Variants in LRP12 observed in about 807,000 individuals in gnomAD.
LRP12 encodes the protein low-density lipoprotein receptor-related protein 12.
Under a neutral mutation model 66.0 loss-of-function variants are expected in LRP12, and 14 were observed. The ratio of observed to expected loss-of-function variants is 0.21; its 90% CI spans 0.14 to 0.33. The LOEUF (loss-of-function observed/expected upper bound fraction) is 0.33. Among genes scored for constraint, LRP12 ranks in the 10% least tolerant of loss-of-function variants. The probability of loss-of-function intolerance (pLI) is 1.00; values close to 1 mark genes in which losing one functional copy is unlikely to be tolerated. For missense variants in LRP12, 889 were observed against 1,053.4 expected (o/e 0.84, Z 2.16); for synonymous variants, 357 against 359.1 (o/e 0.99, Z 0.07).
At chr8:104,549,395 A>C (rs990119467) in intron 1 of LRP12, among the ~76,000 whole-genome samples, 1 of 131,268 alleles carries the variant, frequency 7.6e-6, no homozygotes, top group African/African-American at 3.0e-5. Flanking sequence ...TCAACTCTGA[A>C]TCCACTTTTT....
chr8:104,558,622 A>G (rs536829070), intron 1 of LRP12, among the ~76,000 whole-genome samples: 2 of 152,342 alleles, frequency 1.3e-5, no homozygotes, highest in Admixed American at 1.3e-4. Context: ...TAATTAAACT[A>G]AAAAGCTTCT....
chr8:104,552,215 G>A (rs1564143367), intron 1 of LRP12, among the ~76,000 whole-genome samples: 4 of 152,062 alleles, frequency 2.6e-5, no homozygotes, highest in Non-Finnish European at 5.9e-5. Context: ...AGATTGTAAG[G>A]GACTTTGCTC....
At chr8:104,581,751 A>T (rs1038292810) in intron 1 of LRP12, among the ~76,000 whole-genome samples, 3 of 152,174 alleles carry the variant, frequency 2.0e-5, no homozygotes, top group Non-Finnish European at 2.9e-5. Flanking sequence ...GACAAAAAAA[A>T]AATAATGGGC....
chr8:104,566,263 G>A (rs1172380655), intron 1 of LRP12: 2 of 478,694 alleles, frequency 4.2e-6, no homozygotes, highest in East Asian at 4.9e-5. Flanking sequence ...TATAGTTAAA[G>A]TAGAACCAGA....
chr8:104,526,415 T>C (rs1440922850), intron 2 of LRP12, among the ~76,000 whole-genome samples: 241 of 150,832 alleles, frequency 1.6e-3, no homozygotes, highest in African/African-American at 5.4e-3. Flanking sequence ...GGCATCACGC[T>C]ACCTGACTTC....
chr8:104,550,886 C>T (rs183271019), intron 1 of LRP12, among the ~76,000 whole-genome samples: 166 of 152,106 alleles, frequency 1.1e-3, no homozygotes, highest in African/African-American at 3.7e-3. Flanking sequence ...CCTTTTTGCA[C>T]TATTCTCTCA....
At chr8:104,576,696 A>G (rs1318619693) in intron 1 of LRP12, among the ~76,000 whole-genome samples, 1 of 152,222 alleles carries the variant, frequency 6.6e-6, no homozygotes, top group East Asian at 1.9e-4. Flanking sequence ...AAGCAACTGC[A>G]TAAACAAGTC....
intron 1 of LRP12, among the ~76,000 whole-genome samples, chr8:104,548,309 TTATA>T (rs1235671155): frequency 2.4e-5 from 1 of 41,908 alleles, no homozygotes; most frequent in Non-Finnish European, 3.7e-5. Context: ...ATAATATATA[TTATA>T]TAAATATATA....
intron 1 of LRP12, among the ~76,000 whole-genome samples, chr8:104,578,115 GT>G (rs543490144): frequency 8.1e-5 from 12 of 148,066 alleles, no homozygotes; most frequent in Non-Finnish European, 7.5e-5. Context: ...CCAGGAGCTG[GT>G]TTTTTTTTTG....
chr8:104,567,587 C>T (rs1407479294), intron 1 of LRP12, among the ~76,000 whole-genome samples: 1 of 152,066 alleles, frequency 6.6e-6, no homozygotes, highest in Admixed American at 6.6e-5. Flanking sequence ...TATGAAAAAT[C>T]ATAAGGTATT....
rs73295167 is a variant in LRP12 at position 104,554,674 on chromosome 8, T to C, written c.80-22711A>G. ...GATAATCGGTGTTCCTGAGGAAGAATAGAAATCTGAAAGTTTGGAAAACAT... is the reference window on the plus strand; with the variant it reads ...GATAATCGGTGTTCCTGAGGAAGAACAGAAATCTGAAAGTTTGGAAAACAT... On this transcript the variant is annotated intron_variant, in intron 1 of 6. Coordinates refer to ENST00000276654, the MANE Select transcript of LRP12 (RefSeq NM_013437.5). Among the ~76,000 whole-genome samples the C allele has an allele frequency of 6.7e-3, 1,019 of 152,176 alleles. 7 individuals are homozygous for C. The highest frequency in any genetic ancestry group is 0.023 in the African/African-American group (958 of 41,550).
chr8:104,529,839 G>A (rs1165056095), intron 2 of LRP12, among the ~76,000 whole-genome samples: 3 of 152,190 alleles, frequency 2.0e-5, no homozygotes, highest in Admixed American at 6.5e-5. Context: ...CTCGTGTTGA[G>A]TTTTGGTGTA....
chr8:104,495,257 AAAAG>A (rs1345842442), intron 5 of LRP12, 48 bp from the exon 6 acceptor site: 3 of 1,571,654 alleles, frequency 1.9e-6, no homozygotes, highest in Non-Finnish European at 2.6e-6. Flanking sequence ...GGAGCGAAGA[AAAAG>A]AACAATTTTC....
In LRP12 at chr8:104,566,362, A is replaced by G. The variant is rs117431733; in HGVS notation, c.79+22457T>C. The G allele has an allele frequency of 1.1e-3, 285 of 261,460 alleles. 2 individuals are homozygous for G. In the East Asian group the frequency reaches 0.025, roughly 23 times the overall value. The allele number at this position is 261,460 out of a possible 1,614,324, so 16.2% of individuals were successfully genotyped here. A position where few individuals can be genotyped will look rare whatever the true frequency, so the allele number is the denominator to read the frequency against. ...AGATTAACTAAGTCTGGTGAGGAAAATGACGCAGTGAAAACCATGGGAGCC... is the reference window on the plus strand; with the variant it reads ...AGATTAACTAAGTCTGGTGAGGAAAGTGACGCAGTGAAAACCATGGGAGCC... On this transcript the variant is annotated intron_variant, in intron 1 of 6. Coordinates refer to ENST00000276654, the MANE Select transcript of LRP12 (RefSeq NM_013437.5).
intron 1 of LRP12, among the ~76,000 whole-genome samples, chr8:104,585,861 G>C (rs1207396209): frequency 2.0e-5 from 3 of 152,182 alleles, no homozygotes; most frequent in African/African-American, 7.2e-5. Flanking sequence ...TGGTTTAGGA[G>C]GTGAGCAAGA....
At chr8:104,578,228 A>G (rs1812195599) in intron 1 of LRP12, among the ~76,000 whole-genome samples, 1 of 151,514 alleles carries the variant, frequency 6.6e-6, no homozygotes, top group African/African-American at 2.5e-5. Context: ...CACAGACCCC[A>G]CAGAAATACA....
At position 104,531,981 on chromosome 8, in the gene LRP12, G is replaced by C; in HGVS notation, c.80-18C>G. 2 of 1,534,990 alleles carry C rather than the reference G, an allele frequency of 1.3e-6. No homozygotes were observed. The highest frequency in any genetic ancestry group is 1.2e-5 in the South Asian group (1 of 83,366). ...ACCATTTCCTAAAATTAAACATAAT[G>C]AATAAACTAATATCCAAGATAAAAT... On this transcript the variant is annotated intron_variant, in intron 1 of 6. Transcript: ENST00000276654.
chr8:104,588,704 C>T (rs1812376617), intron 1 of LRP12, 115 bp downstream of exon 1: 1 of 788,936 alleles, frequency 1.3e-6, no homozygotes, highest in East Asian at 3.1e-5. Context: ...CTTTGTCCCG[C>T]CGGTAGCCAG....
intron 2 of LRP12, among the ~76,000 whole-genome samples, chr8:104,528,715 T>C (rs1157753420): frequency 6.6e-6 from 1 of 151,524 alleles, no homozygotes; most frequent in East Asian, 1.9e-4. Flanking sequence ...GCAGCGGTCG[T>C]AGTGAACTGA....
Sources: gnomAD v4.1 joint callset for allele counts (sites outside exome capture counted in the v4.1 genomes callset) on GRCh38, gnomAD v4.1.1 for gene constraint, MANE v1.5 for transcripts, NCBI Gene and HGNC (gene_info 2026-07-23, HGNC 2026-07-21) for gene names.